TNPO3: variants seen among roughly 807,000 people sequenced by gnomAD.
TNPO3 encodes transportin 3.
A neutral mutation model predicts 122.8 loss-of-function variants in TNPO3; 65 were observed. That is an observed-to-expected ratio of 0.53 (90% CI 0.43 to 0.65). The LOEUF (loss-of-function observed/expected upper bound fraction) is 0.65, where lower values mean the gene tolerates loss of function less well. TNPO3 is among the 30% of genes least tolerant of loss of function. TNPO3 has a pLI of 0.00. For synonymous variants in TNPO3, 372 were observed against 411.2 expected (o/e 0.90, Z 1.15); for missense variants, 850 against 1,136.7 (o/e 0.75, Z 3.63).
intron 21 of TNPO3, among the ~76,000 whole-genome samples, chr7:128,961,626 T>C (rs1296510079): frequency 1.3e-5 from 2 of 152,262 alleles, no homozygotes; most frequent in Non-Finnish European, 2.9e-5. Context: ...TAACTGCCAG[T>C]ATTTTTTAGA....
At chr7:129,045,373 G>A (rs73465005) in intron 1 of TNPO3, among the ~76,000 whole-genome samples, 3,606 of 152,092 alleles carry the variant, frequency 0.024, 72 homozygotes, top group East Asian at 0.064. Flanking sequence ...GCTCATGCCT[G>A]TAATCCCAGC....
At chr7:129,029,856 A>C (rs1285069220) in intron 1 of TNPO3, 1 of 149,800 alleles carries the variant, frequency 6.7e-6, no homozygotes, top group African/African-American at 2.4e-5. Flanking sequence ...CCCCATCTCT[A>C]CTAAAAAAAA....
chr7:129,014,931 A>G, intron 4 of TNPO3, 48 bp downstream of exon 4: 2 of 1,522,448 alleles, frequency 1.3e-6, no homozygotes, highest in South Asian at 1.3e-5. Flanking sequence ...AATAACCGCC[A>G]TGGCTTTCTG....
chr7:128,965,371 C>A (rs930325613), intron 21 of TNPO3, among the ~76,000 whole-genome samples: 1 of 152,012 alleles, frequency 6.6e-6, no homozygotes, highest in South Asian at 2.1e-4. Flanking sequence ...CAAATGAAAA[C>A]GGCAATGAGA....
intron 19 of TNPO3, 45 bp from the exon 20 acceptor site, chr7:128,970,360 C>T (rs1442718700): frequency 6.6e-7 from 1 of 1,520,940 alleles, no homozygotes; most frequent in Non-Finnish European, 8.8e-7. Flanking sequence ...CTAGTCTCAA[C>T]TTCCCAAAGA....
intron 12 of TNPO3, among the ~76,000 whole-genome samples, chr7:128,984,713 C>G (rs970567050): frequency 2.0e-5 from 3 of 152,216 alleles, no homozygotes; most frequent in African/African-American, 7.2e-5. Context: ...TTCACTCTTA[C>G]ACCATAACAC....
chr7:128,972,307 T>C, intron 19 of TNPO3, 119 bp downstream of exon 19: 1 of 1,157,308 alleles, frequency 8.6e-7, no homozygotes, highest in Non-Finnish European at 1.2e-6. Flanking sequence ...CACTATGATA[T>C]ATGTCTACCA....
chr7:129,028,114 A>G (rs770024756), intron 1 of TNPO3, among the ~76,000 whole-genome samples: 2 of 152,234 alleles, frequency 1.3e-5, no homozygotes, highest in Non-Finnish European at 2.9e-5. Flanking sequence ...ATCAGAAAAC[A>G]TCTTCAGACA....
At chr7:128,982,361 C>T (rs752742306) in intron 13 of TNPO3, 37 bp from the exon 14 acceptor site, 3 of 1,583,474 alleles carry the variant, frequency 1.9e-6, no homozygotes, top group African/African-American at 1.3e-5. Context: ...CCAATTGTCA[C>T]ATGTACAAAT....
intron 1 of TNPO3, among the ~76,000 whole-genome samples, chr7:129,048,438 G>A (rs1183514273): frequency 2.0e-5 from 3 of 152,212 alleles, no homozygotes; most frequent in Non-Finnish European, 2.9e-5. Flanking sequence ...GCTGAGGCAA[G>A]AGAATTGCTT....
At position 129,001,196 on chromosome 7, in the gene TNPO3, A is replaced by T; in HGVS notation, c.735T>A (p.Ala245=). The change falls in exon 6 of 23, where the codon GCT becomes GCA. Residue 245 remains alanine, a synonymous_variant. Coordinates refer to ENST00000265388, the MANE Select transcript of TNPO3 (RefSeq NM_012470.4). ...DKTSSNLHEA[A]SDCVCSALYA... is the part of the protein sequence containing the mutation. Reference sequence around the variant, plus strand: ...AGAGAGCTGAGCATACACAGTCCGAAGCAGCTTCATGTAGGTTAGACGAGG... The same window carrying T: ...AGAGAGCTGAGCATACACAGTCCGATGCAGCTTCATGTAGGTTAGACGAGG... The T allele has an allele frequency of 6.2e-7, 1 of 1,613,828 alleles. No individual in the cohort carries two copies. The highest frequency in any genetic ancestry group is 8.5e-7 in the Non-Finnish European group (1 of 1,179,762).
intron 1 of TNPO3, among the ~76,000 whole-genome samples, chr7:129,024,354 C>T (rs751385254): frequency 2.0e-4 from 30 of 152,168 alleles, no homozygotes; most frequent in Admixed American, 1.7e-3. Flanking sequence ...ACCAGCCCAA[C>T]CACCAAATGG....
chr7:128,989,938 C>T (rs1484039996), intron 11 of TNPO3, 23 bp downstream of exon 11: 5 of 1,601,342 alleles, frequency 3.1e-6, no homozygotes, highest in African/African-American at 1.3e-5. Flanking sequence ...TTAGAAGTGG[C>T]AGAGGAGAGA....
intron 1 of TNPO3, among the ~76,000 whole-genome samples, chr7:129,040,909 T>C (rs1227669925): frequency 2.6e-5 from 4 of 152,196 alleles, no homozygotes; most frequent in Non-Finnish European, 5.9e-5. Context: ...GAATAATAAC[T>C]AAATATGAGA....
intron 1 of TNPO3, chr7:129,030,617 T>C (rs1805818316): frequency 6.6e-6 from 1 of 152,160 alleles, no homozygotes; most frequent in African/African-American, 2.4e-5. Context: ...CATGGCAATA[T>C]GGAAGACTAG....
intron 22 of TNPO3, among the ~76,000 whole-genome samples, chr7:128,955,751 A>G (rs1796834395): frequency 1.3e-5 from 2 of 152,214 alleles, no homozygotes; most frequent in African/African-American, 4.8e-5. Flanking sequence ...TTTATTTTGA[A>G]AGAAGGCTTT....
intron 22 of TNPO3, among the ~76,000 whole-genome samples, chr7:128,956,493 C>T (rs1384217460): frequency 6.6e-6 from 1 of 152,194 alleles, no homozygotes; most frequent in African/African-American, 2.4e-5. Flanking sequence ...AGATGCTCCT[C>T]CTCTCCTGTA....
chr7:128,997,590 A>T, intron 7 of TNPO3, 55 bp from the exon 8 acceptor site: 1 of 1,446,742 alleles, frequency 6.9e-7, no homozygotes, highest in Non-Finnish European at 9.6e-7. Context: ...GAATAAGAAG[A>T]CATTTTATTA....
rs1174363853 is a variant in TNPO3, at chr7:128,975,990, T to C, written c.2062-55A>G. On this transcript the variant is annotated intron_variant, in intron 16 of 22. Transcript: ENST00000265388. ...GCTTCGTCCTTCAAAAAGTACCAAC[T>C]TACGAAGCTGTCTCCAGGAAGAAAT... 3 of 1,243,890 alleles carry C rather than the reference T, an allele frequency of 2.4e-6. No individual in the cohort carries two copies. The East Asian group carries it at 7.0e-5, about 29-fold the overall frequency. The allele number at this position is 1,243,890 out of a possible 1,614,324, so 77.1% of individuals were successfully genotyped here. A position where few individuals can be genotyped will look rare whatever the true frequency, so the allele number is the denominator to read the frequency against.
Sources: allele counts gnomAD v4.1 joint callset (sites outside exome capture counted in the v4.1 genomes callset), GRCh38; gene constraint gnomAD v4.1.1; transcripts MANE v1.5; gene names NCBI Gene and HGNC (gene_info 2026-07-23, HGNC 2026-07-21).